AGBL3: variants seen among roughly 807,000 people sequenced by gnomAD.
The protein encoded by AGBL3 is AGBL carboxypeptidase 3, also known as cytosolic carboxypeptidase 3.
AGBL3 carries 68 observed loss-of-function variants against 94.5 expected under a neutral mutation model. The observed-to-expected ratio is 0.72, with a 90% CI of 0.59 to 0.88. AGBL3 has a LOEUF of 0.88. Among genes scored for constraint, AGBL3 ranks in the 40% least tolerant of loss-of-function variants. The pLI, the probability that AGBL3 is intolerant of heterozygous loss-of-function variation, is 0.00. For missense variants in AGBL3, 934 were observed against 1,103.8 expected (o/e 0.85, Z 2.18); for synonymous variants, 354 against 370.7 (o/e 0.95, Z 0.52).
At chr7:135,029,405 C>T (rs1005393929) in intron 5 of AGBL3, among the ~76,000 whole-genome samples, 2 of 152,196 alleles carry the variant, frequency 1.3e-5, no homozygotes, top group Non-Finnish European at 2.9e-5. Context: ...TAACCTTGTA[C>T]TTTCATGTTA....
At chr7:135,045,315 G>A (rs897868615) in intron 9 of AGBL3, among the ~76,000 whole-genome samples, 159 bp from the exon 10 acceptor site, 16 of 152,026 alleles carry the variant, frequency 1.1e-4, no homozygotes, top group Non-Finnish European at 1.9e-4. Context: ...AGGAACAAGG[G>A]AAAGCAATGA....
At chr7:135,074,187 T>C (rs1820240618) in intron 12 of AGBL3, among the ~76,000 whole-genome samples, 1 of 152,152 alleles carries the variant, frequency 6.6e-6, no homozygotes, top group Non-Finnish European at 1.5e-5. Context: ...ACCTTAAATA[T>C]ATACAATTTT....
intron 4 of AGBL3, among the ~76,000 whole-genome samples, chr7:135,015,948 G>A (rs921188877): frequency 3.3e-5 from 5 of 150,924 alleles, no homozygotes; most frequent in Non-Finnish European, 5.9e-5. Flanking sequence ...GGAGAATGGC[G>A]TGAACCCGGG....
At chr7:135,010,961 T>G (rs1813076774) in intron 4 of AGBL3, 1 of 152,128 alleles carries the variant, frequency 6.6e-6, no homozygotes, top group Non-Finnish European at 1.5e-5. Flanking sequence ...TTTATAGAAA[T>G]TGACAAGGTA....
At chr7:135,055,477 G>A (rs1436097788) in intron 11 of AGBL3, among the ~76,000 whole-genome samples, 1 of 152,054 alleles carries the variant, frequency 6.6e-6, no homozygotes, top group Admixed American at 6.6e-5. Context: ...TCATGAATAT[G>A]TGTTGGATTT....
At chr7:135,118,760 A>C (rs751003186) in intron 16 of AGBL3, among the ~76,000 whole-genome samples, 2 of 152,160 alleles carry the variant, frequency 1.3e-5, no homozygotes. Context: ...GCTTCAAAAA[A>C]CACTTATAAA....
intron 4 of AGBL3, among the ~76,000 whole-genome samples, chr7:134,994,522 T>C (rs1367488420): frequency 6.6e-6 from 1 of 152,214 alleles, no homozygotes; most frequent in Non-Finnish European, 1.5e-5. Context: ...TTCACTGCCA[T>C]GACTTTCCAC....
At chr7:134,987,497 C>T (rs1809618778) in intron 1 of AGBL3, among the ~76,000 whole-genome samples, 1 of 152,100 alleles carries the variant, frequency 6.6e-6, no homozygotes. Context: ...AAGGAGAAAA[C>T]TTAAAATTAT....
chr7:135,013,674 C>T (rs567174313), intron 4 of AGBL3, among the ~76,000 whole-genome samples: 22 of 151,674 alleles, frequency 1.5e-4, no homozygotes, highest in Non-Finnish European at 2.9e-4. Flanking sequence ...CTTCCGCTGA[C>T]AGTCATGTTG....
At chr7:135,073,269 C>T (rs907041235) in intron 12 of AGBL3, among the ~76,000 whole-genome samples, 1 of 151,898 alleles carries the variant, frequency 6.6e-6, no homozygotes, top group Non-Finnish European at 1.5e-5. Context: ...AGTTCAAGAC[C>T]AGCCTGGCCA....
chr7:135,045,773 T>C (rs765521128), intron 10 of AGBL3, 26 bp from the exon 11 acceptor site: 2 of 1,458,826 alleles, frequency 1.4e-6, no homozygotes, highest in South Asian at 2.5e-5. Context: ...TATTTCATAA[T>C]GAGCTCATTT....
intron 16 of AGBL3, among the ~76,000 whole-genome samples, chr7:135,119,315 C>T (rs545508484): frequency 1.2e-3 from 180 of 152,052 alleles, no homozygotes; most frequent in African/African-American, 3.8e-3. Context: ...CTGAAACCTC[C>T]GCCTCCTGGG....
chr7:135,121,698 A>G (rs1236701764), intron 16 of AGBL3, among the ~76,000 whole-genome samples: 2 of 152,176 alleles, frequency 1.3e-5, no homozygotes, highest in African/African-American at 4.8e-5. Flanking sequence ...GAACTATAAT[A>G]AGCAAGGTAT....
chr7:135,106,805 T>A (rs776837996), intron 15 of AGBL3, among the ~76,000 whole-genome samples: 54 of 152,342 alleles, frequency 3.5e-4, no homozygotes, highest in Non-Finnish European at 7.2e-4. Context: ...CTCGTCTTTG[T>A]ACATCTGATT....
chr7:135,042,486 G>C (rs1169440850), intron 8 of AGBL3, among the ~76,000 whole-genome samples: 1 of 152,164 alleles, frequency 6.6e-6, no homozygotes, highest in African/African-American at 2.4e-5. Flanking sequence ...TAGTGACAGA[G>C]AGCAAATCAA....
chr7:134,995,732 G>A (rs1004499341), intron 4 of AGBL3, among the ~76,000 whole-genome samples: 1 of 152,210 alleles, frequency 6.6e-6, no homozygotes, highest in Non-Finnish European at 1.5e-5. Flanking sequence ...AAGATCCCCA[G>A]AGTCATGATG....
rs373508053 is a variant in AGBL3, at chr7:135,037,462, G to C, written c.1382G>C (p.Gly461Ala). 97 of 1,549,802 alleles carry C rather than the reference G, an allele frequency of 6.3e-5. No individual in the cohort carries two copies. Among genetic ancestry groups the C allele is most frequent in the Non-Finnish European group, 7.9e-5 (90 of 1,146,058 alleles). Reference protein sequence around the residue: ...REVILYCDLHGHSRKENIFMY... With the variant: ...REVILYCDLHAHSRKENIFMY... ...GTTATTTTATACTGTGATCTTCATG[G>C]CCATAGTAGGAAAGAGAACATCTTC... The change falls in exon 8 of 17, where the codon GGC (glycine) becomes GCC (alanine). Residue 461 changes from glycine to alanine, a missense_variant. This residue lies in a region of AGBL3 where 5 missense variants were observed against 22.1 expected (regional missense o/e 0.23). Coordinates refer to ENST00000436302, the MANE Select transcript of AGBL3 (RefSeq NM_178563.4).
chr7:135,045,655 G>T lies in AGBL3; in HGVS notation c.1728+81G>T, dbSNP rs1266657114. 2.9e-6 allele frequency: 4 copies of T among 1,377,492 alleles called. No homozygotes were observed. In the African/African-American group the frequency reaches 5.8e-5, roughly 20 times the overall value. The allele number at this position is 1,377,492 out of a possible 1,614,324, so 85.3% of individuals were successfully genotyped here. A position where few individuals can be genotyped will look rare whatever the true frequency, so the allele number is the denominator to read the frequency against. ...CTGACTATGGGCCTATGCAGTGTTT[G>T]CCTTTTAATGTCCCAACAGTGTTGT... On this transcript the variant is annotated intron_variant, in intron 10 of 16. Coordinates refer to ENST00000436302, the MANE Select transcript of AGBL3 (RefSeq NM_178563.4).
At chr7:135,050,766 A>AT (rs1405627891) in intron 11 of AGBL3, among the ~76,000 whole-genome samples, 2 of 151,936 alleles carry the variant, frequency 1.3e-5, no homozygotes, top group Non-Finnish European at 2.9e-5. Context: ...AGCATGGAAT[A>AT]TTTTCCCATC....
Sources: allele counts gnomAD v4.1 joint callset (sites outside exome capture counted in the v4.1 genomes callset), GRCh38; gene constraint gnomAD v4.1.1; regional missense constraint gnomAD v4.1.1; transcripts MANE v1.5; gene names NCBI Gene and HGNC (gene_info 2026-07-23, HGNC 2026-07-21).